The following RP1 variants were observed in gnomAD, a reference collection of about 807,000 sequenced individuals.
The protein encoded by RP1 is oxygen-regulated protein 1.
In RP1, 16 loss-of-function variants were observed where a neutral mutation model predicts 14.8. The ratio of observed to expected loss-of-function variants is 1.08; its 90% confidence interval spans 0.73 to 1.65. The LOEUF is 1.65. Ranked by LOEUF, RP1 falls within the 40% of genes most tolerant of loss-of-function variation. The pLI is 0.00. For missense variants in RP1, 2,631 were observed against 2,535.0 expected (o/e 1.04, Z -0.81); for synonymous variants, 876 against 883.6 (o/e 0.99, Z 0.15).
chr8:54,674,490 A>G (rs1053678708), intron 8 of RP1, among the ~76,000 whole-genome samples: 1 of 150,828 alleles, frequency 6.6e-6, no homozygotes, highest in Non-Finnish European at 1.5e-5. Flanking sequence ...AACAAAAGAC[A>G]GACTACTAGA....
At chr8:54,733,159 C>A (rs1020337529) in intron 17 of RP1, among the ~76,000 whole-genome samples, 1 of 152,132 alleles carries the variant, frequency 6.6e-6, no homozygotes, top group Non-Finnish European at 1.5e-5. Context: ...AGTGCAGGTG[C>A]GTTGCAGTTA....
Position 54,754,656 on chromosome 8 carries a change from C to T in RP1, c.2809-147C>T, listed in dbSNP as rs1404308399. On this transcript the variant is annotated intron_variant, in intron 19 of 22. Coordinates refer to the RP1 transcript ENST00000636932. ...TGGCAATTACTTTTGCACCAACCTA[C>T]GACTACTACTACTAACAACCATCAC... is the stretch of plus-strand genomic sequence containing the variant. The T allele has an allele frequency of 9.3e-6, 7 of 754,570 alleles. No homozygotes were observed. The East Asian group carries it at 1.3e-4, about 14-fold the overall frequency. 46.7% of individuals were successfully genotyped at this position (754,570 alleles called of 1,614,324 possible).
chr8:54,866,715 T>C (rs1812467049), intron 28 of RP1, among the ~76,000 whole-genome samples: 2 of 152,122 alleles, frequency 1.3e-5, no homozygotes, highest in African/African-American at 4.8e-5. Flanking sequence ...GATCCATCAA[T>C]AAGGCAATCC....
chr8:54,681,385 C>T (rs1807424145), intron 12 of RP1, among the ~76,000 whole-genome samples: 1 of 151,904 alleles, frequency 6.6e-6, no homozygotes, highest in South Asian at 2.1e-4. Context: ...GATGTGAGGT[C>T]CCAATGGTAC....
At chr8:54,599,115 G>T (rs1805212945) in intron 1 of RP1, among the ~76,000 whole-genome samples, 1 of 151,904 alleles carries the variant, frequency 6.6e-6, no homozygotes, top group Admixed American at 6.6e-5. Flanking sequence ...AAGTCCCTGA[G>T]GTTCTGTTCA....
chr8:54,663,623 G>T (rs1806946242), intron 6 of RP1: 1 of 1,339,606 alleles, frequency 7.5e-7, no homozygotes, highest in Non-Finnish European at 9.6e-7. Flanking sequence ...CCATGGATAA[G>T]AGGAGATTTC....
chr8:54,666,091 A>T (rs1018405884), intron 7 of RP1, among the ~76,000 whole-genome samples: 2 of 152,112 alleles, frequency 1.3e-5, no homozygotes, highest in African/African-American at 4.8e-5. Context: ...AAGCTGTAAA[A>T]TATGGGACAT....
intron 1 of RP1, among the ~76,000 whole-genome samples, chr8:54,590,027 A>C (rs1189004834): frequency 1.3e-5 from 2 of 152,118 alleles, no homozygotes; most frequent in African/African-American, 4.8e-5. Flanking sequence ...CAAGTACCAC[A>C]TCATCTGCCT....
At chr8:54,809,240 C>T (rs996506598) in intron 24 of RP1, among the ~76,000 whole-genome samples, 1 of 152,198 alleles carries the variant, frequency 6.6e-6, no homozygotes, top group African/African-American at 2.4e-5. Context: ...GTACATATAG[C>T]CTGCTAACAT....
upstream of RP1, among the ~76,000 whole-genome samples, chr8:54,611,804 T>C (rs1322707500): frequency 6.6e-6 from 1 of 152,156 alleles, no homozygotes; most frequent in Non-Finnish European, 1.5e-5. Context: ...TTGAATCATA[T>C]AATTTGGTAA....
At chr8:54,784,218 C>A (rs763382836) in intron 24 of RP1, among the ~76,000 whole-genome samples, 1 of 152,118 alleles carries the variant, frequency 6.6e-6, no homozygotes, top group South Asian at 2.1e-4. Flanking sequence ...CATTATTTAA[C>A]CTTTCTGTGC....
chr8:54,729,121 A>G (rs1326018803), intron 17 of RP1, among the ~76,000 whole-genome samples: 1 of 152,214 alleles, frequency 6.6e-6, no homozygotes, highest in Non-Finnish European at 1.5e-5. Flanking sequence ...AAAAGAGAAG[A>G]CTTATGATTT....
intron 6 of RP1, among the ~76,000 whole-genome samples, chr8:54,657,827 T>C (rs1351195586): frequency 1.3e-5 from 2 of 152,238 alleles, no homozygotes; most frequent in Non-Finnish European, 2.9e-5. Flanking sequence ...ATTATTTTCC[T>C]GCGAAGGATA....
At chr8:54,671,025 G>A (rs1318650038) in intron 7 of RP1, among the ~76,000 whole-genome samples, 1 of 151,586 alleles carries the variant, frequency 6.6e-6, no homozygotes, top group Non-Finnish European at 1.5e-5. Flanking sequence ...TTGTATTGTA[G>A]GTCTAGTGGT....
Position 54,627,341 on chromosome 8 carries a change from T to C in RP1, c.3459T>C (p.Ala1153=). 1 of 1,614,176 alleles carries C rather than the reference T, an allele frequency of 6.2e-7. No individual in the cohort carries two copies. Among genetic ancestry groups the C allele is most frequent in the Non-Finnish European group, 8.5e-7 (1 of 1,179,980 alleles). ...TCTGTCAAGTTGATGCTCACAAGGC[T>C]ACCAACAAATCTTCAGAAACACTTG... is the stretch of plus-strand genomic sequence containing the variant. ...NSFCQVDAHK[A]TNKSSETLAL... The change falls in exon 4 of 4, where the codon GCT becomes GCC. Residue 1153 remains alanine, a synonymous_variant. Transcript: ENST00000220676.
At chr8:54,801,031 A>G (rs1810692149) in intron 24 of RP1, among the ~76,000 whole-genome samples, 1 of 152,174 alleles carries the variant, frequency 6.6e-6, no homozygotes, top group Non-Finnish European at 1.5e-5. Context: ...TAGTGGAGGA[A>G]TTTGTACTAA....
chr8:54,694,146 G>C (rs1807794750), intron 12 of RP1, among the ~76,000 whole-genome samples: 1 of 152,154 alleles, frequency 6.6e-6, no homozygotes, highest in African/African-American at 2.4e-5. Flanking sequence ...TGTTGAACCA[G>C]CCTTGCATCC....
intron 15 of RP1, among the ~76,000 whole-genome samples, chr8:54,710,107 C>T (rs114942527): frequency 0.014 from 2,058 of 152,304 alleles, 48 homozygotes; most frequent in African/African-American, 0.046. Flanking sequence ...GCAACCAGAA[C>T]ATGAGGGAGA....
chr8:54,814,623 T>C (rs553045483), intron 24 of RP1, among the ~76,000 whole-genome samples: 2 of 152,214 alleles, frequency 1.3e-5, no homozygotes, highest in Non-Finnish European at 2.9e-5. Context: ...TGCCCTATTA[T>C]GTTTTCAAAG....
Sources: gnomAD v4.1 joint callset for allele counts (sites outside exome capture counted in the v4.1 genomes callset) on GRCh38, gnomAD v4.1.1 for gene constraint, MANE v1.5 for transcripts, NCBI Gene and HGNC (gene_info 2026-07-23, HGNC 2026-07-21) for gene names.